Variants in MTHFD1L observed in about 807,000 individuals in gnomAD.
MTHFD1L encodes the protein monofunctional C1-tetrahydrofolate synthase, mitochondrial.
In MTHFD1L, 81 loss-of-function variants were observed where a neutral mutation model predicts 119.5. The observed-to-expected ratio is 0.68, with a 90% CI of 0.57 to 0.82. The LOEUF (loss-of-function observed/expected upper bound fraction) is 0.82. MTHFD1L is among the 40% of genes least tolerant of loss of function. The probability of loss-of-function intolerance (pLI) is 0.00; values close to 1 mark genes in which losing one functional copy is unlikely to be tolerated. For missense variants in MTHFD1L, 1,125 were observed against 1,253.4 expected, an observed-to-expected ratio of 0.90 and a Z score of 1.55; for synonymous variants, 430 against 475.2, an observed-to-expected ratio of 0.90 and a Z score of 1.24.
intron 27 of MTHFD1L, among the ~76,000 whole-genome samples, chr6:151,099,214 A>G (rs1217027997): frequency 1.3e-5 from 2 of 149,796 alleles, no homozygotes; most frequent in South Asian, 2.1e-4. Flanking sequence ...TACTCTAAGC[A>G]CCTTTAGACA....
At chr6:150,979,312 A>G (rs977501550) in intron 20 of MTHFD1L, among the ~76,000 whole-genome samples, 7 of 151,808 alleles carry the variant, frequency 4.6e-5, no homozygotes, top group African/African-American at 1.7e-4. Context: ...CAATATAACT[A>G]TATTGTACCA....
chr6:150,968,362 C>T (rs1438601314), intron 19 of MTHFD1L, among the ~76,000 whole-genome samples: 1 of 152,050 alleles, frequency 6.6e-6, no homozygotes, highest in East Asian at 1.9e-4. Flanking sequence ...ACTACATTCT[C>T]CTAAAAATAC....
intron 26 of MTHFD1L, among the ~76,000 whole-genome samples, chr6:151,085,613 A>C (rs1322020702): frequency 6.6e-6 from 1 of 152,120 alleles, no homozygotes; most frequent in Non-Finnish European, 1.5e-5. Flanking sequence ...TCTACTAAAA[A>C]TTCAAAAATT....
chr6:151,036,693 C>T (rs930414031), intron 25 of MTHFD1L, among the ~76,000 whole-genome samples: 2 of 152,092 alleles, frequency 1.3e-5, no homozygotes, highest in African/African-American at 4.8e-5. Flanking sequence ...CCATGCTTTC[C>T]CCAAACATGC....
intron 1 of MTHFD1L, chr6:150,866,455 G>A: frequency 3.8e-6 from 5 of 1,322,748 alleles, no homozygotes; most frequent in Non-Finnish European, 4.8e-6. Context: ...GGGCGGGGCT[G>A]CGGCTCGGCG....
intron 1 of MTHFD1L, among the ~76,000 whole-genome samples, chr6:150,867,519 T>C (rs1778613196): frequency 6.6e-6 from 1 of 152,188 alleles, no homozygotes. Context: ...ATCTTACCGG[T>C]TAGAGTCTGA....
intron 7 of MTHFD1L, among the ~76,000 whole-genome samples, chr6:150,896,297 T>C (rs1405413429): frequency 6.6e-6 from 1 of 152,224 alleles, no homozygotes; most frequent in Non-Finnish European, 1.5e-5. Context: ...GCCATACTTG[T>C]TAATGAGCTG....
intron 10 of MTHFD1L, among the ~76,000 whole-genome samples, chr6:150,925,790 G>A (rs950769819): frequency 3.3e-5 from 5 of 152,068 alleles, no homozygotes; most frequent in Admixed American, 1.3e-4. Flanking sequence ...CCCATACAGA[G>A]CATTTTGCTC....
intron 4 of MTHFD1L, among the ~76,000 whole-genome samples, chr6:150,879,469 A>T (rs1021558899): frequency 6.7e-6 from 1 of 149,922 alleles, no homozygotes; most frequent in Non-Finnish European, 1.5e-5. Flanking sequence ...TTGTGTTTTT[A>T]GTAGAGACAG....
chr6:151,080,373 T>C (rs1237085917), intron 26 of MTHFD1L, among the ~76,000 whole-genome samples: 1 of 152,120 alleles, frequency 6.6e-6, no homozygotes, highest in East Asian at 1.9e-4. Flanking sequence ...CCCAGCAGTG[T>C]TGCGGGTATC....
At chr6:151,015,433 A>G in intron 23 of MTHFD1L, 83 bp from the exon 24 acceptor site, 1 of 1,453,698 alleles carries the variant, frequency 6.9e-7, no homozygotes, top group Non-Finnish European at 9.3e-7. Context: ...TAGGGAGCGA[A>G]GTTCTGTATA....
chr6:150,904,410 A>C (rs1785552284), intron 7 of MTHFD1L, among the ~76,000 whole-genome samples: 1 of 152,132 alleles, frequency 6.6e-6, no homozygotes, highest in South Asian at 2.1e-4. Flanking sequence ...TAGAATCTCT[A>C]AGACTGAATT....
intron 20 of MTHFD1L, among the ~76,000 whole-genome samples, chr6:150,992,733 CT>C (rs1362247668): frequency 6.6e-6 from 1 of 152,194 alleles, no homozygotes; most frequent in Non-Finnish European, 1.5e-5. Context: ...GCACTGATGG[CT>C]TTTGTTTGAG....
chr6:150,963,895 C>T (rs966136005), intron 18 of MTHFD1L, among the ~76,000 whole-genome samples: 3 of 152,180 alleles, frequency 2.0e-5, no homozygotes, highest in Admixed American at 6.5e-5. Flanking sequence ...AGGCCGGGCA[C>T]GGTGGCTCAC....
chr6:150,884,391 C>T (rs548711127), intron 5 of MTHFD1L, among the ~76,000 whole-genome samples: 19 of 152,096 alleles, frequency 1.2e-4, no homozygotes, highest in African/African-American at 4.6e-4. Flanking sequence ...CCGCCTGCCT[C>T]GGCCTCCCAA....
At chr6:151,072,994 A>T (rs1252494172) in intron 26 of MTHFD1L, among the ~76,000 whole-genome samples, 2 of 152,142 alleles carry the variant, frequency 1.3e-5, no homozygotes, top group East Asian at 3.8e-4. Context: ...CAGGCAGCAA[A>T]AAACAGTGGC....
At chr6:150,993,460 C>T (rs1735395531) in intron 20 of MTHFD1L, among the ~76,000 whole-genome samples, 1 of 152,024 alleles carries the variant, frequency 6.6e-6, no homozygotes, top group Admixed American at 6.6e-5. Context: ...TACAGGCACA[C>T]ACCACCACGT....
Position 150,865,904 on chromosome 6 carries a change from C to T in MTHFD1L, c.82C>T (p.Pro28Ser), listed in dbSNP as rs1425174562. Residue 28 changes from proline (P) to serine (S), a missense_variant, in exon 1 of 28, where the codon CCC becomes TCC. By Grantham distance (74) the Pro-to-Ser change is moderately conservative (BLOSUM62 -1). Around this residue, in one of 3 missense-constraint regions of MTHFD1L, gnomAD observed 1,058 missense variants for 1,151.2 expected, o/e 0.92. Transcript: ENST00000367321. ...PPGPPRRLRV[P>S]CRASSGGGGG... is the part of the protein sequence containing the mutation. The stretch of plus-strand genomic sequence containing the variant: ...GGGCCCTCCGCGCCGCCTCCGTGTG[C>T]CCTGTCGCGCTAGCAGCGGCGGCGG... 4.2e-6 allele frequency: 5 copies of T among 1,196,790 alleles called. No individual in the cohort carries two copies. The highest frequency in any genetic ancestry group is 3.4e-4 in the Middle Eastern group (1 of 2,984). The allele number at this position is 1,196,790 out of a possible 1,614,324, so 74.1% of individuals were successfully genotyped here.
chr6:150,873,098 C>T (rs1031119211), intron 1 of MTHFD1L, among the ~76,000 whole-genome samples: 4 of 151,994 alleles, frequency 2.6e-5, no homozygotes, highest in Admixed American at 1.3e-4. Flanking sequence ...GGGCGGATCA[C>T]GAGGTCAAGA....
Sources: allele counts gnomAD v4.1 joint callset (sites outside exome capture counted in the v4.1 genomes callset), GRCh38; gene constraint gnomAD v4.1.1; regional missense constraint gnomAD v4.1.1; transcripts MANE v1.5; gene names NCBI Gene and HGNC (gene_info 2026-07-23, HGNC 2026-07-21).